Variants in SLC38A3 observed in about 807,000 individuals in gnomAD.
SLC38A3 encodes the protein solute carrier family 38 member 3, also known as sodium-coupled neutral amino acid transporter 3.
A neutral mutation model predicts 59.5 loss-of-function variants in SLC38A3; 17 were observed. The ratio of observed to expected loss-of-function variants is 0.29; its 90% CI spans 0.20 to 0.43. The LOEUF (loss-of-function observed/expected upper bound fraction) is 0.43. SLC38A3 is among the 20% of genes least tolerant of loss of function. The pLI is 1.00. For missense variants in SLC38A3, 454 were observed against 653.9 expected, an observed-to-expected ratio of 0.69 and a Z score of 3.33; for synonymous variants, 238 against 260.3, an observed-to-expected ratio of 0.91 and a Z score of 0.82.
chr3:50,215,790 C>T lies in SLC38A3; in HGVS notation c.517C>T (p.Gln173Ter). Residue 173 changes from glutamine to a stop codon, truncating the protein, a stop_gained, in exon 7 of 16, where the codon CAG becomes TAG. Coordinates refer to ENST00000614032, the MANE Select transcript of SLC38A3 (RefSeq NM_006841.6). LOFTEE classifies it high-confidence loss of function. This position sits in a 1 kb window ranked among gnomAD's most constrained non-coding sequence, Gnocchi z 7.1. ...IIKSELPLVI[Q>*]TFLNLEEKTS... ...CAAGTCTGAGCTGCCACTTGTCATA[C>T]AGACCTTCCTGAACCTGGAGGAGAA... The T allele has an allele frequency of 6.3e-7, 1 of 1,593,892 alleles. No individual in the cohort carries two copies. The highest frequency in any genetic ancestry group is 8.5e-7 in the Non-Finnish European group (1 of 1,170,534).
intron 1 of SLC38A3, among the ~76,000 whole-genome samples, chr3:50,211,396 C>T (rs1699725042): frequency 6.6e-6 from 1 of 152,170 alleles, no homozygotes; most frequent in South Asian, 2.1e-4. Context: ...TCTGTTGCCA[C>T]AGAACCTTCC....
Position 50,215,339 on chromosome 3 carries a change from A to T in SLC38A3, c.300-47A>T. 6.4e-7 allele frequency: 1 copy of T among 1,566,966 alleles called. No homozygotes were observed. The highest frequency in any genetic ancestry group is 8.8e-7 in the Non-Finnish European group (1 of 1,137,348). On this transcript the variant is annotated intron_variant, in intron 4 of 15. Coordinates refer to ENST00000614032, the MANE Select transcript of SLC38A3 (RefSeq NM_006841.6). This position sits in a 1 kb window ranked among gnomAD's most constrained non-coding sequence, Gnocchi z 7.1. ...CCCCTCACCCTCTGCCAGCCACGGT[A>T]GCCCCCCAGTGGCCTCTTTTTCTTC...
chr3:50,213,664 G>A (rs990883687), intron 1 of SLC38A3, among the ~76,000 whole-genome samples: 13 of 152,348 alleles, frequency 8.5e-5, no homozygotes, highest in Admixed American at 4.6e-4. Context: ...TCCAGCCGTC[G>A]GGCAGTGCCA....
chr3:50,218,474 C>A lies in SLC38A3; in HGVS notation c.1036+104C>A. 1.3e-6 allele frequency: 2 copies of A among 1,561,692 alleles called. No homozygotes were observed. Among genetic ancestry groups the A allele is most frequent in the Non-Finnish European group, 1.8e-6 (2 of 1,137,624 alleles). ...CGAGGCGTGTGGTGCCTGGCTGTGC[C>A]TTGCCGCTGTGGAGGTGAGTCTGCA... On this transcript the variant is annotated intron_variant, in intron 12 of 15. Transcript: ENST00000614032. This position sits in a 1 kb window ranked among gnomAD's most constrained non-coding sequence, Gnocchi z 5.8.
intron 1 of SLC38A3, among the ~76,000 whole-genome samples, chr3:50,208,713 T>C (rs1418372975): frequency 6.6e-6 from 1 of 152,226 alleles, no homozygotes; most frequent in Non-Finnish European, 1.5e-5. Context: ...ATGTGGTTTT[T>C]GTCTGTGTGT....
chr3:50,208,261 CTTTTTTT>C (rs11293008), intron 1 of SLC38A3, among the ~76,000 whole-genome samples: 7 of 129,988 alleles, frequency 5.4e-5, no homozygotes, highest in African/African-American at 8.6e-5. Flanking sequence ...AGCTTTCTCT[CTTTTTTT>C]TTTTTTTTTT....
At chr3:50,209,431 G>T (rs1699693196) in intron 1 of SLC38A3, among the ~76,000 whole-genome samples, 1 of 152,122 alleles carries the variant, frequency 6.6e-6, no homozygotes, top group Non-Finnish European at 1.5e-5. Context: ...GGTGGATCAC[G>T]AGGTCAGGAG....
rs951380427 is a variant in SLC38A3 at position 50,217,831 on chromosome 3, C to T, written c.846C>T (p.Leu282=). 6.2e-7 allele frequency: 1 copy of T among 1,614,058 alleles called. No homozygotes were observed. Among genetic ancestry groups the T allele is most frequent in the East Asian group, 2.2e-5 (1 of 44,892 alleles). The change falls in exon 10 of 16, where the codon CTC becomes CTT. Residue 282 remains leucine (L), a synonymous_variant. Coordinates refer to ENST00000614032, the MANE Select transcript of SLC38A3 (RefSeq NM_006841.6). This position sits in a 1 kb window ranked among gnomAD's most constrained non-coding sequence, Gnocchi z 4.9. ...SAFCTPSYFT[L]NSQTAYTIPI... ...TCTGCACTCCCAGCTACTTCACGCT[C>T]AACTCACAGGTTCTGACAGGTCAGG...
At position 50,214,274 on chromosome 3, in the gene SLC38A3, C is replaced by T. The variant is rs767194548; in HGVS notation, c.75C>T (p.Val25=). Residue 25 remains valine, a synonymous_variant, in exon 2 of 16, where the codon GTC becomes GTT. Transcript: ENST00000614032. This position sits in a 1 kb window ranked among gnomAD's most constrained non-coding sequence, Gnocchi z 6.0. ...NGKHSEGLLP[V]ITPMAGNQRV... is the part of the protein sequence containing the mutation. ...AACACTCAGAGGGGCTGCTCCCGGT[C>T]ATCACCCCCATGGCAGGCAACCAGA... 1.2e-6 allele frequency: 2 copies of T among 1,613,926 alleles called. No individual in the cohort carries two copies. The highest frequency in any genetic ancestry group is 2.7e-5 in the African/African-American group (2 of 75,052).
intron 1 of SLC38A3, chr3:50,207,980 T>A (rs956450134): frequency 3.9e-5 from 6 of 152,370 alleles, no homozygotes; most frequent in Non-Finnish European, 7.3e-5. Context: ...AGACAAGTCC[T>A]GGGTGCTGGA....
At position 50,220,538 on chromosome 3, in the gene SLC38A3, C is replaced by A. The variant is rs1173272984; in HGVS notation, c.*361C>A. The A allele has an allele frequency of 3.8e-6, 1 of 266,536 alleles. No individual in the cohort carries two copies. The highest frequency in any genetic ancestry group is 2.2e-5 in the African/African-American group (1 of 46,342). 16.5% of individuals were successfully genotyped at this position (266,536 alleles called of 1,614,324 possible). On this transcript the variant is annotated 3_prime_UTR_variant, in exon 16 of 16. Coordinates refer to ENST00000614032, the MANE Select transcript of SLC38A3 (RefSeq NM_006841.6). ...CTGTAGGAACATACACAGCTGGGAT[C>A]AGCCTGCAGCCATCCCCCGACCCTG...
intron 1 of SLC38A3, among the ~76,000 whole-genome samples, chr3:50,210,151 G>A (rs1344846111): frequency 3.3e-5 from 5 of 152,148 alleles, no homozygotes. Flanking sequence ...CCTAGTAGGG[G>A]GCATCTTCCC....
At position 50,214,655 on chromosome 3, in the gene SLC38A3, C is replaced by T. The variant is rs1396360733; in HGVS notation, c.186C>T (p.Phe62=). 1.9e-5 allele frequency: 30 copies of T among 1,567,530 alleles called. No individual in the cohort carries two copies. The highest frequency in any genetic ancestry group is 2.5e-5 in the Non-Finnish European group (29 of 1,141,266). Residue 62 remains phenylalanine (F), a splice_region_variant and synonymous_variant, in exon 4 of 16, where the codon TTC becomes TTT. Coordinates refer to ENST00000614032, the MANE Select transcript of SLC38A3 (RefSeq NM_006841.6). The surrounding 1 kb of genome is among the most constrained non-coding windows in gnomAD (Gnocchi z 6.0). The stretch of plus-strand genomic sequence containing the variant: ...CCGTCCCATTCTGGTGCCTGCAGTT[C>T]GAGGGGAAGACATCATTCGGGATGT... ...SPSKEPHFTD[F]EGKTSFGMSV... is the part of the protein sequence containing the mutation.
In SLC38A3 at chr3:50,220,189, TCCTGTTCTGTCTACTCACCCTAGCAGC is replaced by T; in HGVS notation, c.*17_*43del. On this transcript the variant is annotated 3_prime_UTR_variant, in exon 16 of 16. Coordinates refer to ENST00000614032, the MANE Select transcript of SLC38A3 (RefSeq NM_006841.6). ...GAGGAAACCACTAGGGTGACCCTCA[TCCTGTTCTGTCTACTCACCCTAGCAGC>T]CCTGCCCAGACTCTTCAGCCCCTGC... is the stretch of plus-strand genomic sequence containing the variant. 6.4e-7 allele frequency: 1 copy of T among 1,558,976 alleles called. No homozygotes were observed. The highest frequency in any genetic ancestry group is 8.7e-7 in the Non-Finnish European group (1 of 1,146,662).
At chr3:50,206,143 A>T (rs889010188) in intron 1 of SLC38A3, among the ~76,000 whole-genome samples, 3 of 152,270 alleles carry the variant, frequency 2.0e-5, no homozygotes, top group Non-Finnish European at 4.4e-5. Context: ...GATTGGCCAC[A>T]GCAAATGCGT....
chr3:50,219,621 C>T (rs1029861626), intron 14 of SLC38A3, among the ~76,000 whole-genome samples: 3 of 152,258 alleles, frequency 2.0e-5, no homozygotes, highest in African/African-American at 7.2e-5. Flanking sequence ...CCTCATCTCT[C>T]TCCATCTCTT....
rs775991638 is a variant in SLC38A3 at position 50,214,632 on chromosome 3, G to T, written c.184-21G>T. Reference sequence around the variant, plus strand: ...CTTGCTGACTCCTCCCACCCTCCCCGTCCCATTCTGGTGCCTGCAGTTCGA... The same window carrying T: ...CTTGCTGACTCCTCCCACCCTCCCCTTCCCATTCTGGTGCCTGCAGTTCGA... On this transcript the variant is annotated intron_variant, in intron 3 of 15. Coordinates refer to ENST00000614032, the MANE Select transcript of SLC38A3 (RefSeq NM_006841.6). The surrounding 1 kb of genome is among the most constrained non-coding windows in gnomAD (Gnocchi z 6.0). The T allele has an allele frequency of 1.1e-5, 8 of 749,696 alleles. No homozygotes were observed. 46.4% of individuals were successfully genotyped at this position (749,696 alleles called of 1,614,324 possible).
chr3:50,218,685 G>A lies in SLC38A3; in HGVS notation c.1129G>A (p.Val377Ile). 6.2e-7 allele frequency: 1 copy of A among 1,613,030 alleles called. No individual in the cohort carries two copies. The highest frequency in any genetic ancestry group is 8.5e-7 in the Non-Finnish European group (1 of 1,179,072). ...LCVRVAVLTA[V>I]TLTVPIVLFP... ...TGTGCGCGTGGCCGTGCTGACAGCA[G>A]TCACGCTCACAGTGCCCATCGTTCT... The change falls in exon 13 of 16, where the codon GTC becomes ATC. Residue 377 changes from valine to isoleucine, a missense_variant. Physicochemically the swap from Val to Ile is conservative, Grantham distance 29. Around this residue, in one of 3 missense-constraint regions of SLC38A3, gnomAD observed 390 missense variants for 557.9 expected, o/e 0.70. Coordinates refer to ENST00000614032, the MANE Select transcript of SLC38A3 (RefSeq NM_006841.6). This position sits in a 1 kb window ranked among gnomAD's most constrained non-coding sequence, Gnocchi z 5.8.
At chr3:50,211,048 C>A (rs1699718842) in intron 1 of SLC38A3, among the ~76,000 whole-genome samples, 1 of 152,154 alleles carries the variant, frequency 6.6e-6, no homozygotes, top group Non-Finnish European at 1.5e-5. Context: ...AGTACCCTGC[C>A]CCTGGCCACA....
Sources: allele counts gnomAD v4.1 joint callset (sites outside exome capture counted in the v4.1 genomes callset), GRCh38; gene constraint gnomAD v4.1.1; regional missense constraint gnomAD v4.1.1; non-coding constraint Gnocchi (gnomAD v3.1); transcripts MANE v1.5; gene names NCBI Gene and HGNC (gene_info 2026-07-23, HGNC 2026-07-21).